The following AGPS variants were observed in gnomAD, a reference collection of about 807,000 sequenced individuals.
AGPS encodes the protein alkyldihydroxyacetonephosphate synthase, peroxisomal.
Under a neutral mutation model 90.7 loss-of-function variants are expected in AGPS, and 26 were observed. The observed-to-expected ratio is 0.29, with a 90% CI of 0.21 to 0.40. AGPS has a LOEUF of 0.40. Ranked by LOEUF, AGPS falls within the 10% of genes least tolerant of loss-of-function variation. AGPS has a pLI of 1.00. For synonymous variants in AGPS, 294 were observed against 285.3 expected (o/e 1.03, Z -0.31); for missense variants, 540 against 816.1 (o/e 0.66, Z 4.12).
intron 1 of AGPS, among the ~76,000 whole-genome samples, chr2:177,403,975 A>T (rs1340701047): frequency 6.6e-6 from 1 of 152,224 alleles, no homozygotes; most frequent in Non-Finnish European, 1.5e-5. Context: ...AAAGGGCCTT[A>T]ATGAGTCAAA....
chr2:177,491,451 A>AT (rs1688258359), intron 11 of AGPS, among the ~76,000 whole-genome samples: 1 of 66,978 alleles, frequency 1.5e-5, no homozygotes, highest in Non-Finnish European at 3.1e-5. Context: ...TTTTTTTTGT[A>AT]TTTTTAGTAG....
At chr2:177,488,911 C>G (rs1486207763) in intron 11 of AGPS, among the ~76,000 whole-genome samples, 1 of 152,070 alleles carries the variant, frequency 6.6e-6, no homozygotes, top group African/African-American at 2.4e-5. Context: ...AGCAGAAACC[C>G]CTCAGACATG....
At chr2:177,427,436 G>A (rs1686117964) in intron 2 of AGPS, among the ~76,000 whole-genome samples, 1 of 152,132 alleles carries the variant, frequency 6.6e-6, no homozygotes, top group Non-Finnish European at 1.5e-5. Context: ...TAGTTGTCAT[G>A]TTAGGTTGTT....
rs577954286 is a variant in AGPS, at chr2:177,410,007, T to A, written c.261-10262T>A. Among the ~76,000 whole-genome samples the A allele has an allele frequency of 7.9e-5, 12 of 152,176 alleles. No individual in the cohort carries two copies. The South Asian group carries it at 2.5e-3, about 32-fold the overall frequency. On this transcript the variant is annotated intron_variant, in intron 1 of 19. Coordinates refer to ENST00000264167, the MANE Select transcript of AGPS (RefSeq NM_003659.4). ...GTGCTATCAATGCCTAAATGAAAGG[T>A]TTGGTGAAGGGTTTTAAGTAATTTC... is the stretch of plus-strand genomic sequence containing the variant.
chr2:177,472,115 G>A (rs1032602771), intron 10 of AGPS, among the ~76,000 whole-genome samples: 5 of 151,116 alleles, frequency 3.3e-5, no homozygotes, highest in East Asian at 3.9e-4. Flanking sequence ...TTAAATATTA[G>A]GGTTTTTTTT....
At chr2:177,491,142 C>CCCTA (rs1688243536) in intron 11 of AGPS, among the ~76,000 whole-genome samples, 1 of 151,290 alleles carries the variant, frequency 6.6e-6, no homozygotes, top group Non-Finnish European at 1.5e-5. Context: ...GTGTGAGCCG[C>CCCTA]CATACCCAGC....
chr2:177,533,809 C>T (rs1487473898), intron 19 of AGPS, among the ~76,000 whole-genome samples: 1 of 152,158 alleles, frequency 6.6e-6, no homozygotes, highest in Non-Finnish European at 1.5e-5. Flanking sequence ...AGTCAATGCT[C>T]AGATCACTCG....
At chr2:177,493,090 C>T in intron 11 of AGPS, 58 bp from the exon 12 acceptor site, 1 of 1,406,038 alleles carries the variant, frequency 7.1e-7, no homozygotes, top group Non-Finnish European at 1.0e-6. Flanking sequence ...CACATTCTAC[C>T]TGTCTAGCTT....
intron 1 of AGPS, among the ~76,000 whole-genome samples, chr2:177,401,437 T>C (rs764359989): frequency 1.3e-5 from 2 of 152,238 alleles, no homozygotes; most frequent in Non-Finnish European, 2.9e-5. Flanking sequence ...AACTGCCCAT[T>C]TCACAGATTA....
intron 1 of AGPS, among the ~76,000 whole-genome samples, chr2:177,419,067 C>A (rs1685871132): frequency 6.6e-6 from 1 of 151,860 alleles, no homozygotes. Flanking sequence ...GTAAACAGAG[C>A]ATTCCTAGTT....
In AGPS at chr2:177,540,317, T is replaced by C. The variant is rs1031041612; in HGVS notation, c.*2122T>C. 6.6e-6 allele frequency: 1 copy of C among 152,016 alleles called. No homozygotes were observed. The highest frequency in any genetic ancestry group is 2.4e-5 in the African/African-American group (1 of 41,416). 9.4% of individuals were successfully genotyped at this position (152,016 alleles called of 1,614,324 possible). A position where few individuals can be genotyped will look rare whatever the true frequency, so the allele number is the denominator to read the frequency against. On this transcript the variant is annotated 3_prime_UTR_variant, in exon 20 of 20. Coordinates refer to ENST00000264167, the MANE Select transcript of AGPS (RefSeq NM_003659.4). ...TTCATGATTTATGTCTTTGTTTTTC[T>C]TTTTCCAAGTATATGCAGGACTCCC...
chr2:177,421,584 C>T (rs1685942599), intron 2 of AGPS, among the ~76,000 whole-genome samples: 1 of 151,908 alleles, frequency 6.6e-6, no homozygotes, highest in Non-Finnish European at 1.5e-5. Context: ...TCTGTGTTCT[C>T]ATTCCCATCC....
At chr2:177,505,203 A>G (rs890182946) in intron 14 of AGPS, among the ~76,000 whole-genome samples, 1 of 152,014 alleles carries the variant, frequency 6.6e-6, no homozygotes, top group Non-Finnish European at 1.5e-5. Context: ...GTAATAACAT[A>G]TGAATATATG....
intron 17 of AGPS, among the ~76,000 whole-genome samples, chr2:177,517,089 A>G (rs16865324): frequency 6.6e-6 from 1 of 152,110 alleles, no homozygotes; most frequent in East Asian, 1.9e-4. Flanking sequence ...TAGTAAAAAG[A>G]GTATTTCCTC....
intron 9 of AGPS, among the ~76,000 whole-genome samples, chr2:177,463,923 C>CATTTT (rs1179638140): frequency 3.9e-4 from 60 of 151,974 alleles, no homozygotes; most frequent in Non-Finnish European, 2.5e-4. Flanking sequence ...TTACTTAGTG[C>CATTTT]ATTTTATTTT....
intron 1 of AGPS, among the ~76,000 whole-genome samples, chr2:177,400,829 A>G (rs1479419855): frequency 1.3e-5 from 2 of 152,198 alleles, no homozygotes; most frequent in Non-Finnish European, 2.9e-5. Context: ...AATGTGAACT[A>G]TTTAATTTGC....
chr2:177,453,256 C>T (rs537804320), intron 8 of AGPS, among the ~76,000 whole-genome samples: 16 of 151,348 alleles, frequency 1.1e-4, no homozygotes, highest in African/African-American at 3.9e-4. Context: ...TATGCTTTTT[C>T]CCCCTCTGGC....
At chr2:177,528,742 T>G (rs957434716) in intron 19 of AGPS, among the ~76,000 whole-genome samples, 2 of 151,984 alleles carry the variant, frequency 1.3e-5, no homozygotes, top group Non-Finnish European at 2.9e-5. Flanking sequence ...TCATAAATGC[T>G]CAATGAATAT....
intron 1 of AGPS, among the ~76,000 whole-genome samples, chr2:177,408,828 G>C (rs773735605): frequency 4.6e-5 from 7 of 152,150 alleles, no homozygotes; most frequent in African/African-American, 1.7e-4. Context: ...AACAGATGAG[G>C]CTTCTATTCT....
Sources: gnomAD v4.1 joint callset for allele counts (sites outside exome capture counted in the v4.1 genomes callset) on GRCh38, gnomAD v4.1.1 for gene constraint, MANE v1.5 for transcripts, NCBI Gene and HGNC (gene_info 2026-07-23, HGNC 2026-07-21) for gene names.